Variants in MKLN1 observed in about 807,000 individuals in gnomAD.
The protein encoded by MKLN1 is muskelin.
In MKLN1, 18 loss-of-function variants were observed where a neutral mutation model predicts 99.0. The observed-to-expected ratio is 0.18, with a 90% CI of 0.13 to 0.27. The LOEUF (loss-of-function observed/expected upper bound fraction) is 0.27. MKLN1 is among the 10% of genes least tolerant of loss of function. MKLN1 has a pLI of 1.00. For synonymous variants in MKLN1, 288 were observed against 293.2 expected (o/e 0.98, Z 0.18); for missense variants, 621 against 875.9 (o/e 0.71, Z 3.67).
At chr7:131,281,196 A>G (rs1250628129) in intron 3 of MKLN1, among the ~76,000 whole-genome samples, 1 of 148,716 alleles carries the variant, frequency 6.7e-6, no homozygotes, top group Non-Finnish European at 1.5e-5. Context: ...CCTATGATCC[A>G]TTTTGAGTTA....
intron 3 of MKLN1, among the ~76,000 whole-genome samples, chr7:131,291,287 C>T (rs1410136567): frequency 1.3e-5 from 2 of 151,434 alleles, no homozygotes; most frequent in Non-Finnish European, 2.9e-5. Context: ...TGTGTCACCA[C>T]ACCCGGCTAA....
intron 16 of MKLN1, chr7:131,471,179 A>G (rs1214960487): frequency 5.7e-6 from 2 of 352,640 alleles, no homozygotes; most frequent in South Asian, 7.7e-5. Flanking sequence ...ATTATCAGGT[A>G]TAAAGTTTTA....
At chr7:131,337,937 T>C (rs1799298089) in intron 1 of MKLN1, among the ~76,000 whole-genome samples, 1 of 152,168 alleles carries the variant, frequency 6.6e-6, no homozygotes. Flanking sequence ...TGTCTTCAGA[T>C]TCACCCATCT....
At chr7:131,349,456 A>G (rs1285319863) in intron 1 of MKLN1, among the ~76,000 whole-genome samples, 3 of 152,130 alleles carry the variant, frequency 2.0e-5, no homozygotes, top group African/African-American at 4.8e-5. Flanking sequence ...CAGCCTCCCA[A>G]AGTGCTGGGA....
chr7:131,115,542 G>A (rs1462552267), intron 1 of MKLN1, among the ~76,000 whole-genome samples: 2 of 152,048 alleles, frequency 1.3e-5, no homozygotes, highest in African/African-American at 2.4e-5. Context: ...ACATAAATCA[G>A]ATCATGTGAT....
intron 3 of MKLN1, among the ~76,000 whole-genome samples, chr7:131,255,728 G>A (rs772700167): frequency 2.0e-5 from 3 of 150,550 alleles, no homozygotes; most frequent in East Asian, 3.9e-4. Context: ...TTACAGGTGT[G>A]TGCCACCACA....
chr7:131,287,470 C>T (rs1428860746), intron 3 of MKLN1, among the ~76,000 whole-genome samples: 1 of 152,202 alleles, frequency 6.6e-6, no homozygotes, highest in Admixed American at 6.5e-5. Context: ...TTGCCTCCTC[C>T]TTTTATCTCT....
At chr7:131,255,846 G>T (rs1270756552) in intron 3 of MKLN1, among the ~76,000 whole-genome samples, 1 of 151,748 alleles carries the variant, frequency 6.6e-6, no homozygotes, top group Admixed American at 6.6e-5. Flanking sequence ...CTCCCAAAGT[G>T]CTGGGATTAC....
At chr7:131,327,744 T>C (rs992405459), upstream of MKLN1, 15 of 1,333,224 alleles carry the variant, frequency 1.1e-5, no homozygotes, top group Middle Eastern at 2.7e-4. Flanking sequence ...AACCCTGAGA[T>C]AGGACATTGG....
rs549529203 is a variant in MKLN1 at position 131,338,730 on chromosome 7, C to G, written c.98+10733C>G. 7.2e-5 allele frequency among the ~76,000 whole-genome samples: 11 copies of G among 152,260 alleles called. No individual in the cohort carries two copies. The South Asian group carries it at 2.3e-3, about 32-fold the overall frequency. On this transcript the variant is annotated intron_variant, in intron 1 of 17. Coordinates refer to ENST00000352689, the MANE Select transcript of MKLN1 (RefSeq NM_013255.5). ...GACTTGATCCCCAGAGTTCTTTGGT[C>G]TCTTGCTAAGTGTTTTCCTTCATTA... is the stretch of plus-strand genomic sequence containing the variant.
At chr7:131,195,336 C>A (rs1796625833) in intron 2 of MKLN1, among the ~76,000 whole-genome samples, 1 of 151,800 alleles carries the variant, frequency 6.6e-6, no homozygotes, top group Non-Finnish European at 1.5e-5. Context: ...CATGGTGAAA[C>A]CCCATCTCTA....
chr7:131,275,831 G>A (rs759904097), intron 3 of MKLN1, among the ~76,000 whole-genome samples: 2 of 151,824 alleles, frequency 1.3e-5, no homozygotes, highest in African/African-American at 2.4e-5. Flanking sequence ...TATTGTGAAA[G>A]CTAATGGTAC....
rs551144950 is a variant in MKLN1, at chr7:131,238,796, G to A, written c.-179+35822G>A. Among the ~76,000 whole-genome samples the A allele has an allele frequency of 3.3e-4, 50 of 152,272 alleles. No individual in the cohort carries two copies. The South Asian group carries it at 8.3e-3, about 25-fold the overall frequency. ...TATCTTGTGATTCTCCCACCTTCAC[G>A]TCTTCAACATGTGGCACTGACAGGC... On this transcript the variant is annotated intron_variant, in intron 3 of 7. Coordinates refer to the MKLN1 transcript ENST00000416992.
intron 2 of MKLN1, among the ~76,000 whole-genome samples, chr7:131,181,338 G>A (rs983719637): frequency 5.9e-5 from 9 of 152,276 alleles, no homozygotes; most frequent in South Asian, 2.1e-4. Flanking sequence ...GCATAAACAT[G>A]TTATCAGGTT....
intron 8 of MKLN1, among the ~76,000 whole-genome samples, chr7:131,425,995 A>G (rs1795346428): frequency 6.6e-6 from 1 of 152,186 alleles, no homozygotes; most frequent in South Asian, 2.1e-4. Context: ...ATTTTCATTC[A>G]GGTATGTCAG....
At chr7:131,315,393 G>A (rs1355083873) in intron 3 of MKLN1, among the ~76,000 whole-genome samples, 1 of 152,156 alleles carries the variant, frequency 6.6e-6, no homozygotes, top group African/African-American at 2.4e-5. Flanking sequence ...CTTTTCCCAC[G>A]GTATTTGCAA....
chr7:131,447,573 C>T (rs1796050841), intron 12 of MKLN1, among the ~76,000 whole-genome samples: 2 of 152,090 alleles, frequency 1.3e-5, no homozygotes, highest in Admixed American at 6.5e-5. Flanking sequence ...AGGTAATACT[C>T]CTTCTACAAT....
intron 1 of MKLN1, among the ~76,000 whole-genome samples, chr7:131,362,650 C>T (rs1255344407): frequency 6.6e-6 from 1 of 151,934 alleles, no homozygotes; most frequent in Non-Finnish European, 1.5e-5. Flanking sequence ...TAGACAGTTG[C>T]TGTCTTTTGT....
chr7:131,253,001 T>A (rs17165508), intron 3 of MKLN1, among the ~76,000 whole-genome samples: 2 of 152,086 alleles, frequency 1.3e-5, no homozygotes, highest in South Asian at 4.1e-4. Flanking sequence ...AAGATCCTAT[T>A]AGGAGATGAT....
Sources: allele counts gnomAD v4.1 joint callset (sites outside exome capture counted in the v4.1 genomes callset), GRCh38; gene constraint gnomAD v4.1.1; transcripts MANE v1.5; gene names NCBI Gene and HGNC (gene_info 2026-07-23, HGNC 2026-07-21).